GLIS3: variants seen among roughly 807,000 people sequenced by gnomAD.
GLIS3 encodes GLIS family zinc finger 3.
In GLIS3, 53 loss-of-function variants were observed where a neutral mutation model predicts 78.6. That is an observed-to-expected ratio of 0.67 (90% CI 0.54 to 0.85). The LOEUF (loss-of-function observed/expected upper bound fraction) is 0.85, where lower values mean the gene tolerates loss of function less well. Ranked by LOEUF, GLIS3 falls within the 40% of genes least tolerant of loss-of-function variation. The probability of loss-of-function intolerance (pLI) is 0.00; values close to 1 mark genes in which losing one functional copy is unlikely to be tolerated. For missense variants in GLIS3, 1,703 were observed against 1,231.1 expected (o/e 1.38, Z -5.74); for synonymous variants, 684 against 509.9 (o/e 1.34, Z -4.60).
At chr9:4,001,012 G>C (rs1821092092) in intron 4 of GLIS3, among the ~76,000 whole-genome samples, 1 of 152,300 alleles carries the variant, frequency 6.6e-6, no homozygotes, top group East Asian at 1.9e-4. Flanking sequence ...GCCAGGAGCT[G>C]TGTTTTCAGC....
At chr9:4,128,284 A>G in intron 2 of GLIS3, among the ~76,000 whole-genome samples, 1 of 152,086 alleles carries the variant, frequency 6.6e-6, no homozygotes, top group East Asian at 1.9e-4. Context: ...TGCTTCTTTC[A>G]TTTGTCCACA....
rs1349524986 is a variant in GLIS3 at position 4,050,605 on chromosome 9, TAA to T, written c.1710+67161_1710+67162del. 2.6e-5 allele frequency among the ~76,000 whole-genome samples: 4 copies of T among 152,064 alleles called. No homozygotes were observed. In the East Asian group the frequency reaches 7.7e-4, roughly 29 times the overall value. On this transcript the variant is annotated intron_variant, in intron 4 of 10. Transcript: ENST00000381971. Reference sequence around the variant, plus strand: ...AGAACTTAAAGTATAATAATAAAAATAAAAGTAATTTTAAAAAAATCTTCCGA... The same window carrying T: ...AGAACTTAAAGTATAATAATAAAAATAAGTAATTTTAAAAAAATCTTCCGA...
intron 5 of GLIS3, among the ~76,000 whole-genome samples, chr9:3,934,813 G>T (rs746872216): frequency 6.6e-6 from 1 of 152,158 alleles, no homozygotes; most frequent in Non-Finnish European, 1.5e-5. Context: ...ACTAGGGAAG[G>T]ACTGGTATGC....
Position 4,066,037 on chromosome 9 carries a change from T to TAAAAAAAAAAA in GLIS3, c.1710+51730_1710+51731insTTTTTTTTTTT. Among the ~76,000 whole-genome samples the TAAAAAAAAAAA allele has an allele frequency of 2.1e-5, 2 of 95,780 alleles. 1 individual carries two copies. Among genetic ancestry groups the TAAAAAAAAAAA allele is most frequent in the Non-Finnish European group, 4.3e-5 (2 of 46,390 alleles). 62.8% of individuals were successfully genotyped at this position (95,780 alleles called of 152,430 possible). On this transcript the variant is annotated intron_variant, in intron 4 of 10. Transcript: ENST00000381971. ...CATCTCATTAAAATGACCCAAAGAATATAAAAAAAAAAAAAAAGAAACAGG... is the reference window on the plus strand; with the variant it reads ...CATCTCATTAAAATGACCCAAAGAATAAAAAAAAAAAATAAAAAAAAAAAAAAAGAAACAGG...
chr9:4,396,791 ACT>A, the GLIS3 span, among the ~76,000 whole-genome samples: 1 of 152,054 alleles, frequency 6.6e-6, no homozygotes, highest in Non-Finnish European at 1.5e-5. Context: ...CCAGGTTATA[ACT>A]CTGTTTTAAA....
the GLIS3 span, among the ~76,000 whole-genome samples, chr9:4,446,564 C>T: frequency 7.1e-6 from 1 of 140,308 alleles, no homozygotes; most frequent in Non-Finnish European, 1.5e-5. Flanking sequence ...GGCTTGAGTG[C>T]AGTGGCATGA....
At chr9:3,895,263 C>A (rs2130575335) in intron 7 of GLIS3, among the ~76,000 whole-genome samples, 1 of 152,334 alleles carries the variant, frequency 6.6e-6, no homozygotes, top group East Asian at 1.9e-4. Flanking sequence ...CTTAGACTAT[C>A]AGATAAATCA....
chr9:4,370,132 C>A, the GLIS3 span, among the ~76,000 whole-genome samples: 1 of 131,916 alleles, frequency 7.6e-6, no homozygotes, highest in African/African-American at 2.8e-5. Context: ...GTGGAGGTTG[C>A]AGTCATCCAA....
At chr9:4,153,957 T>A (rs1432400954) in intron 2 of GLIS3, among the ~76,000 whole-genome samples, 1 of 152,158 alleles carries the variant, frequency 6.6e-6, no homozygotes, top group Non-Finnish European at 1.5e-5. Context: ...AGGACAGCAG[T>A]CATCTGAAGG....
chr9:3,905,140 A>ATTTTTTTTTTTTTTTTTTTTTTT (rs369063136), intron 6 of GLIS3, among the ~76,000 whole-genome samples: 4 of 109,124 alleles, frequency 3.7e-5, no homozygotes, highest in Non-Finnish European at 3.6e-5. Flanking sequence ...GCCCGGTTAA[A>ATTTTTTTTTTTTTTTTTTTTTTT]TTTTTTTCTT....
At chr9:4,141,140 T>C (rs1833783225) in intron 2 of GLIS3, among the ~76,000 whole-genome samples, 1 of 152,064 alleles carries the variant, frequency 6.6e-6, no homozygotes, top group Non-Finnish European at 1.5e-5. Context: ...AAATCTAAAT[T>C]CACTGAGATT....
chr9:4,085,166 A>G (rs1395909097), intron 4 of GLIS3, among the ~76,000 whole-genome samples: 1 of 152,148 alleles, frequency 6.6e-6, no homozygotes, highest in Non-Finnish European at 1.5e-5. Flanking sequence ...ATGGTCAGAC[A>G]CTAAGGAACA....
chr9:4,131,771 A>G (rs1244201624), intron 2 of GLIS3, among the ~76,000 whole-genome samples: 3 of 151,940 alleles, frequency 2.0e-5, no homozygotes, highest in Admixed American at 6.6e-5. Flanking sequence ...GACTAATACA[A>G]CCTCATAAGG....
chr9:3,878,766 T>C (rs573945805), intron 8 of GLIS3: 4 of 156,524 alleles, frequency 2.6e-5, no homozygotes, highest in South Asian at 3.9e-4. Flanking sequence ...ACACTTGCCC[T>C]TGGGCAAGAG....
the GLIS3 span, among the ~76,000 whole-genome samples, chr9:4,463,696 A>G: frequency 2.0e-5 from 3 of 152,200 alleles, no homozygotes; most frequent in Non-Finnish European, 4.4e-5. Flanking sequence ...ACAGATAAAA[A>G]TGTTCCAGGT....
chr9:4,189,554 A>C (rs1052117138), intron 2 of GLIS3, among the ~76,000 whole-genome samples: 4 of 151,916 alleles, frequency 2.6e-5, no homozygotes, highest in African/African-American at 7.3e-5. Context: ...ATCGTTGTTA[A>C]CTTTCTGTCT....
intron 2 of GLIS3, among the ~76,000 whole-genome samples, chr9:4,322,301 G>C (rs190990302): frequency 2.6e-5 from 4 of 152,100 alleles, no homozygotes; most frequent in Non-Finnish European, 5.9e-5. Context: ...GGGTTGGTTC[G>C]AAGTCTGTGC....
At chr9:3,966,515 G>A (rs7046583) in intron 4 of GLIS3, among the ~76,000 whole-genome samples, 16,383 of 151,302 alleles carry the variant, frequency 0.11, 1,360 homozygotes, top group East Asian at 0.45. Flanking sequence ...ACCTCTTTAG[G>A]CCAGGCGCGG....
chr9:4,427,028 C>A, the GLIS3 span, among the ~76,000 whole-genome samples: 14 of 152,248 alleles, frequency 9.2e-5, no homozygotes, highest in African/African-American at 3.1e-4. Flanking sequence ...TAGAACCTAG[C>A]AAACAAATTT....
Sources: gnomAD v4.1 joint callset for allele counts (sites outside exome capture counted in the v4.1 genomes callset) on GRCh38, gnomAD v4.1.1 for gene constraint, MANE v1.5 for transcripts, NCBI Gene and HGNC (gene_info 2026-07-23, HGNC 2026-07-21) for gene names.